Variants in PRKD1 observed in about 807,000 individuals in gnomAD.
PRKD1 encodes the protein serine/threonine-protein kinase D1.
Under a neutral mutation model 95.9 loss-of-function variants are expected in PRKD1, and 63 were observed. The ratio of observed to expected loss-of-function variants is 0.66; its 90% confidence interval spans 0.54 to 0.81. PRKD1 has a LOEUF of 0.81. Ranked by LOEUF, PRKD1 falls within the 30% of genes least tolerant of loss-of-function variation. The pLI is 0.00. For synonymous variants in PRKD1, 425 were observed against 423.1 expected (o/e 1.00, Z -0.05); for missense variants, 1,048 against 1,165.3 (o/e 0.90, Z 1.47).
chr14:29,917,158 T>C (rs983490350), intron 1 of PRKD1, among the ~76,000 whole-genome samples: 2 of 152,224 alleles, frequency 1.3e-5, no homozygotes, highest in Non-Finnish European at 2.9e-5. Context: ...TGGAACTTAA[T>C]TCTAGCACCT....
chr14:29,679,205 G>GT (rs1211435276), intron 2 of PRKD1, among the ~76,000 whole-genome samples: 4 of 152,194 alleles, frequency 2.6e-5, no homozygotes, highest in African/African-American at 9.7e-5. Context: ...GATTAAACAT[G>GT]TACCATATGG....
At position 29,599,267 on chromosome 14, in the gene PRKD1, A is replaced by G. The variant is rs544997577; in HGVS notation, c.2068-142T>C. 5.1e-5 allele frequency: 36 copies of G among 701,368 alleles called. 1 individual carries two copies. The African/African-American group carries it at 5.4e-4, about 10-fold the overall frequency. The allele number at this position is 701,368 out of a possible 1,614,324, so 43.4% of individuals were successfully genotyped here. A position where few individuals can be genotyped will look rare whatever the true frequency, so the allele number is the denominator to read the frequency against. On this transcript the variant is annotated intron_variant, in intron 14 of 17. Transcript: ENST00000331968. Reference sequence around the variant, plus strand: ...AGACACTGAAATGAGCTAGATTAACATAGGTTTCTAAAGAAATTTCAATGA... The same window carrying G: ...AGACACTGAAATGAGCTAGATTAACGTAGGTTTCTAAAGAAATTTCAATGA...
At chr14:29,611,525 T>C (rs1015975956) in intron 13 of PRKD1, among the ~76,000 whole-genome samples, 1 of 151,976 alleles carries the variant, frequency 6.6e-6, no homozygotes, top group Non-Finnish European at 1.5e-5. Flanking sequence ...AATGCATGCA[T>C]CCCAGTACCC....
rs558037850 is a variant in PRKD1, at chr14:29,646,479, G to A, written c.697-7575C>T. Reference sequence around the variant, plus strand: ...ACTATTAAATACTGCATGCCTGTATGAAAATTTCTCATGTAACCCAAAAAT... The same window carrying A: ...ACTATTAAATACTGCATGCCTGTATAAAAATTTCTCATGTAACCCAAAAAT... On this transcript the variant is annotated intron_variant, in intron 4 of 17. Coordinates refer to ENST00000331968, the MANE Select transcript of PRKD1 (RefSeq NM_002742.3). 1.2e-4 allele frequency among the ~76,000 whole-genome samples: 19 copies of A among 152,130 alleles called. No individual in the cohort carries two copies. In the South Asian group the frequency reaches 3.7e-3, roughly 30 times the overall value.
intron 4 of PRKD1, among the ~76,000 whole-genome samples, chr14:29,655,841 A>G (rs1881801574): frequency 6.6e-6 from 1 of 151,966 alleles, no homozygotes; most frequent in African/African-American, 2.4e-5. Flanking sequence ...AAAGGATGGA[A>G]AGATCCTTTA....
At chr14:29,779,135 T>C (rs1461325138) in intron 1 of PRKD1, among the ~76,000 whole-genome samples, 5 of 152,142 alleles carry the variant, frequency 3.3e-5, no homozygotes, top group Admixed American at 6.6e-5. Context: ...ATGAGACGTA[T>C]CTCAAAATGA....
intron 1 of PRKD1, among the ~76,000 whole-genome samples, chr14:29,752,789 T>TA (rs1448958229): frequency 1.3e-5 from 2 of 152,010 alleles, no homozygotes; most frequent in South Asian, 2.1e-4. Flanking sequence ...CTACGGTACA[T>TA]AAAAAAAGTA....
chr14:29,812,115 G>C (rs1250135008), intron 1 of PRKD1: 1 of 152,084 alleles, frequency 6.6e-6, no homozygotes, highest in Non-Finnish European at 1.5e-5. Flanking sequence ...TGCCCATATC[G>C]ATATCTTAGC....
intron 13 of PRKD1, among the ~76,000 whole-genome samples, chr14:29,613,204 A>G (rs759721782): frequency 1.1e-4 from 16 of 152,226 alleles, no homozygotes; most frequent in Non-Finnish European, 1.8e-4. Flanking sequence ...CTCAATACAC[A>G]CTGAAAGAGA....
At chr14:29,887,189 AACCCAGAG>A (rs1397461168) in intron 1 of PRKD1, among the ~76,000 whole-genome samples, 1 of 152,160 alleles carries the variant, frequency 6.6e-6, no homozygotes, top group African/African-American at 2.4e-5. Flanking sequence ...TTCAGGAAAA[AACCCAGAG>A]AGCAACCTTG....
intron 2 of PRKD1, among the ~76,000 whole-genome samples, chr14:29,673,898 G>A (rs2139241787): frequency 6.6e-6 from 1 of 152,192 alleles, no homozygotes; most frequent in East Asian, 1.9e-4. Context: ...GGGAAGACCT[G>A]GACTCTGATC....
chr14:29,690,018 C>A (rs1000119974), intron 2 of PRKD1, among the ~76,000 whole-genome samples: 1 of 152,112 alleles, frequency 6.6e-6, no homozygotes, highest in South Asian at 2.1e-4. Context: ...GCATGTTGGG[C>A]TTTATACCTA....
chr14:29,702,232 G>A (rs1465576305), intron 2 of PRKD1, among the ~76,000 whole-genome samples: 1 of 152,046 alleles, frequency 6.6e-6, no homozygotes. Flanking sequence ...CTAATTGCGT[G>A]TAAGAGCTTT....
intron 1 of PRKD1, among the ~76,000 whole-genome samples, chr14:29,896,780 C>T (rs938169477): frequency 4.0e-5 from 6 of 149,670 alleles, no homozygotes; most frequent in Non-Finnish European, 3.0e-5. Flanking sequence ...GTCACCATAA[C>T]CGACATGCAA....
At chr14:29,717,340 T>C (rs1451386294) in intron 2 of PRKD1, among the ~76,000 whole-genome samples, 7 of 152,274 alleles carry the variant, frequency 4.6e-5, no homozygotes, top group South Asian at 2.1e-4. Context: ...TGAAATGCTT[T>C]ATATTTATTC....
chr14:29,583,072 C>T (rs1358750620), intron 16 of PRKD1, among the ~76,000 whole-genome samples: 1 of 152,162 alleles, frequency 6.6e-6, no homozygotes, highest in Admixed American at 6.5e-5. Context: ...CTCCAGTTTA[C>T]CTGCAGCTCC....
chr14:29,599,865 T>C (rs755647025), intron 13 of PRKD1, 48 bp from the exon 14 acceptor site: 14 of 1,542,310 alleles, frequency 9.1e-6, no homozygotes, highest in Non-Finnish European at 1.2e-5. Flanking sequence ...TTTTTGATAC[T>C]GTTTGGCAAG....
intron 1 of PRKD1, among the ~76,000 whole-genome samples, chr14:29,886,709 C>T (rs79500142): frequency 7.5e-4 from 114 of 152,308 alleles, no homozygotes; most frequent in African/African-American, 2.5e-3. Flanking sequence ...GCAAGGTAGA[C>T]GGCAGGATGT....
At chr14:29,598,297 T>G (rs866811509) in intron 15 of PRKD1, among the ~76,000 whole-genome samples, 12 of 127,326 alleles carry the variant, frequency 9.4e-5, no homozygotes, top group African/African-American at 3.6e-4. Context: ...TAAAATAAAA[T>G]AAAATAAAAT....
Sources: gnomAD v4.1 joint callset for allele counts (sites outside exome capture counted in the v4.1 genomes callset) on GRCh38, gnomAD v4.1.1 for gene constraint, MANE v1.5 for transcripts, NCBI Gene and HGNC (gene_info 2026-07-23, HGNC 2026-07-21) for gene names.